UNC79: variants seen among roughly 807,000 people sequenced by gnomAD.
UNC79 encodes the protein unc-79 subunit of NALCN channel complex, also known as protein unc-79 homolog.
A neutral mutation model predicts 283.1 loss-of-function variants in UNC79; 37 were observed. That is an observed-to-expected ratio of 0.13 (90% confidence interval 0.10 to 0.17). The LOEUF (loss-of-function observed/expected upper bound fraction) is 0.17, where lower values mean the gene tolerates loss of function less well. Ranked by LOEUF, UNC79 falls within the 10% of genes least tolerant of loss-of-function variation. The pLI is 1.00. For missense variants in UNC79, 2,272 were observed against 3,211.1 expected (o/e 0.71, Z 7.07); for synonymous variants, 1,107 against 1,200.2 (o/e 0.92, Z 1.61).
chr14:93,399,653 C>T (rs1040675826), intron 1 of UNC79, among the ~76,000 whole-genome samples: 5 of 152,134 alleles, frequency 3.3e-5, no homozygotes, highest in Non-Finnish European at 5.9e-5. Flanking sequence ...TTGGAGGTTG[C>T]CATCAATAAT....
intron 7 of UNC79, among the ~76,000 whole-genome samples, chr14:93,520,982 T>C (rs911448737): frequency 1.3e-5 from 2 of 152,030 alleles, no homozygotes; most frequent in Non-Finnish European, 2.9e-5. Flanking sequence ...ATTTCATGAT[T>C]GTTACATTAT....
chr14:93,342,259 C>T (rs531657287), intron 1 of UNC79, among the ~76,000 whole-genome samples: 2 of 152,206 alleles, frequency 1.3e-5, no homozygotes, highest in East Asian at 1.9e-4. Context: ...GTCTTCTGTG[C>T]ACCCACAGGA....
chr14:93,651,717 CT>C (rs2140316714), intron 35 of UNC79, among the ~76,000 whole-genome samples: 1 of 151,818 alleles, frequency 6.6e-6, no homozygotes, highest in East Asian at 1.9e-4. Flanking sequence ...TTACTACTTC[CT>C]TTCTGATCTT....
chr14:93,430,954 C>G lies in UNC79; in HGVS notation c.-76C>G, dbSNP rs1425348029. On this transcript the variant is annotated 5_prime_UTR_variant, in exon 1 of 49. Transcript: ENST00000555664. The surrounding 1 kb of genome is among the most constrained non-coding windows in gnomAD (Gnocchi z 4.6). ...GGTGGGGGGTATGCACTCTTTTCCT[C>G]GCAACATCGCTGGCGGAGCGAGGGA... The G allele has an allele frequency of 2.9e-6, 2 of 693,090 alleles. No individual in the cohort carries two copies. The highest frequency in any genetic ancestry group is 5.3e-6 in the Non-Finnish European group (2 of 379,350). The allele number at this position is 693,090 out of a possible 1,614,324, so 42.9% of individuals were successfully genotyped here.
intron 47 of UNC79, among the ~76,000 whole-genome samples, chr14:93,701,250 C>T (rs1220757423): frequency 6.6e-6 from 1 of 152,192 alleles, no homozygotes; most frequent in Non-Finnish European, 1.5e-5. Flanking sequence ...ATGCTCAATA[C>T]CTGAAAAACA....
At chr14:93,345,677 A>G (rs1176677128) in intron 1 of UNC79, among the ~76,000 whole-genome samples, 1 of 152,156 alleles carries the variant, frequency 6.6e-6, no homozygotes, top group Non-Finnish European at 1.5e-5. Context: ...TGAAAGACAG[A>G]GGTGACCCGC....
At chr14:93,349,878 C>G (rs1188238392) in intron 1 of UNC79, among the ~76,000 whole-genome samples, 6 of 152,090 alleles carry the variant, frequency 3.9e-5, no homozygotes, top group African/African-American at 1.4e-4. Flanking sequence ...TTTTAAATGA[C>G]AACTAGTTTT....
At chr14:93,520,781 CTCTA>C (rs2060285376) in intron 7 of UNC79, among the ~76,000 whole-genome samples, 2 of 151,938 alleles carry the variant, frequency 1.3e-5, no homozygotes, top group South Asian at 4.1e-4. Context: ...TATCTCCCAT[CTCTA>C]TCCTCATTAT....
At chr14:93,655,042 A>G (rs1353313573) in intron 37 of UNC79, among the ~76,000 whole-genome samples, 192 bp from the exon 41 acceptor site, 2 of 151,740 alleles carry the variant, frequency 1.3e-5, no homozygotes, top group African/African-American at 2.4e-5. Flanking sequence ...CCTCTCATCA[A>G]TTTTCCCCCT....
At chr14:93,663,293 T>C (rs776916005) in intron 40 of UNC79, among the ~76,000 whole-genome samples, 2 of 152,220 alleles carry the variant, frequency 1.3e-5, no homozygotes, top group Non-Finnish European at 2.9e-5. Flanking sequence ...AGTGGAAAAG[T>C]ACTGCTGGCC....
At chr14:93,458,918 C>T (rs144403984) in intron 1 of UNC79, among the ~76,000 whole-genome samples, 9 of 152,244 alleles carry the variant, frequency 5.9e-5, no homozygotes, top group African/African-American at 1.7e-4. Context: ...AGTTTATAAT[C>T]AGTGAAATAT....
intron 2 of UNC79, among the ~76,000 whole-genome samples, chr14:93,472,847 A>G (rs1461622889): frequency 6.6e-6 from 1 of 152,142 alleles, no homozygotes; most frequent in Non-Finnish European, 1.5e-5. Flanking sequence ...ATAAACTGTT[A>G]TCTACTTGGA....
At chr14:93,346,889 G>A (rs993313827) in intron 1 of UNC79, among the ~76,000 whole-genome samples, 17 of 152,062 alleles carry the variant, frequency 1.1e-4, no homozygotes, top group Non-Finnish European at 2.5e-4. Flanking sequence ...AGGTGAATGA[G>A]GGCTGGGAGG....
At chr14:93,336,781 A>G (rs1210326830) in intron 1 of UNC79, among the ~76,000 whole-genome samples, 1 of 152,230 alleles carries the variant, frequency 6.6e-6, no homozygotes. Flanking sequence ...CATAGATTCA[A>G]CTGTATTTAA....
intron 14 of UNC79, among the ~76,000 whole-genome samples, chr14:93,562,043 T>A (rs1263073763): frequency 6.6e-6 from 1 of 152,176 alleles, no homozygotes; most frequent in African/African-American, 2.4e-5. Flanking sequence ...TTACTGTTCT[T>A]CAGAAATGCA....
At chr14:93,547,789 G>C (rs1309710699) in intron 14 of UNC79, among the ~76,000 whole-genome samples, 2 of 151,976 alleles carry the variant, frequency 1.3e-5, no homozygotes, top group African/African-American at 4.8e-5. Context: ...CCAAGAGTTT[G>C]AGATCAGCCT....
chr14:93,619,576 T>C (rs1402448442), intron 29 of UNC79, among the ~76,000 whole-genome samples: 1 of 152,228 alleles, frequency 6.6e-6, no homozygotes, highest in Non-Finnish European at 1.5e-5. Context: ...TTCCCATCTT[T>C]GTGGAAGTTC....
intron 1 of UNC79, among the ~76,000 whole-genome samples, chr14:93,368,529 G>A (rs1472490293): frequency 6.6e-6 from 1 of 152,072 alleles, no homozygotes; most frequent in East Asian, 1.9e-4. Flanking sequence ...CTGGAGTGCA[G>A]TAGGATGATC....
intron 18 of UNC79, among the ~76,000 whole-genome samples, chr14:93,578,322 A>G (rs932663080): frequency 2.0e-5 from 3 of 152,242 alleles, no homozygotes; most frequent in African/African-American, 7.2e-5. Context: ...TCTGTTAAAT[A>G]AATTGCATTA....
Sources: gnomAD v4.1 joint callset for allele counts (sites outside exome capture counted in the v4.1 genomes callset) on GRCh38, gnomAD v4.1.1 for gene constraint, Gnocchi (gnomAD v3.1) non-coding constraint, MANE v1.5 for transcripts, NCBI Gene and HGNC (gene_info 2026-07-23, HGNC 2026-07-21) for gene names.